NKAIN2: variants seen among roughly 807,000 people sequenced by gnomAD.
NKAIN2 encodes the protein sodium/potassium transporting ATPase interacting 2.
In NKAIN2, 14 loss-of-function variants were observed where a neutral mutation model predicts 32.6. The observed-to-expected ratio is 0.43, with a 90% CI of 0.28 to 0.67. The LOEUF (loss-of-function observed/expected upper bound fraction) is 0.67, where lower values mean the gene tolerates loss of function less well. Ranked by LOEUF, NKAIN2 falls within the 30% of genes least tolerant of loss-of-function variation. The pLI is 0.17. For missense variants in NKAIN2, 198 were observed against 258.3 expected (o/e 0.77, Z 1.60); for synonymous variants, 80 against 87.2 (o/e 0.92, Z 0.46).
chr6:124,268,986 C>T (rs1794626169), intron 1 of NKAIN2, among the ~76,000 whole-genome samples: 1 of 152,004 alleles, frequency 6.6e-6, no homozygotes, highest in Non-Finnish European at 1.5e-5. Context: ...TAGAGTAATG[C>T]TATTAATATT....
At chr6:124,463,118 A>C (rs922575200) in intron 3 of NKAIN2, among the ~76,000 whole-genome samples, 8 of 152,108 alleles carry the variant, frequency 5.3e-5, no homozygotes, top group African/African-American at 1.9e-4. Context: ...AGAAATTTTT[A>C]GATAAAGCTG....
At chr6:124,518,647 A>C (rs1190474480) in intron 3 of NKAIN2, among the ~76,000 whole-genome samples, 1 of 152,090 alleles carries the variant, frequency 6.6e-6, no homozygotes, top group Non-Finnish European at 1.5e-5. Flanking sequence ...AACACTTCCC[A>C]CTAGTCCCCT....
At chr6:123,846,469 A>T (rs1775095691) in intron 1 of NKAIN2, among the ~76,000 whole-genome samples, 1 of 152,104 alleles carries the variant, frequency 6.6e-6, no homozygotes, top group Non-Finnish European at 1.5e-5. Flanking sequence ...TGTTTCTTGA[A>T]ATTGGCTAGT....
At position 124,303,192 on chromosome 6, in the gene NKAIN2, A is replaced by C. The variant is rs144383762; in HGVS notation, c.192+20050A>C. Among the ~76,000 whole-genome samples the C allele has an allele frequency of 2.0e-5, 3 of 152,370 alleles. No homozygotes were observed. In the East Asian group the frequency reaches 5.8e-4, roughly 29 times the overall value. On this transcript the variant is annotated intron_variant, in intron 2 of 6. Transcript: ENST00000368417. ...CAACCATTGGTAGTTTTTAAAATAC[A>C]GAATGATATGATTAATTTTAAATAG...
intron 3 of NKAIN2, among the ~76,000 whole-genome samples, chr6:124,425,604 A>G (rs1375429936): frequency 6.6e-6 from 1 of 152,134 alleles, no homozygotes; most frequent in Admixed American, 6.5e-5. Flanking sequence ...CAGTAGCAAA[A>G]AAATAAATAA....
chr6:124,387,089 C>A (rs1240268776), intron 3 of NKAIN2, among the ~76,000 whole-genome samples: 1 of 152,092 alleles, frequency 6.6e-6, no homozygotes, highest in African/African-American at 2.4e-5. Context: ...GAAATCCATG[C>A]ATAGTGTTTT....
chr6:124,300,719 C>T (rs1260592965), intron 2 of NKAIN2, among the ~76,000 whole-genome samples: 1 of 152,192 alleles, frequency 6.6e-6, no homozygotes, highest in African/African-American at 2.4e-5. Context: ...TTGTTGGGAA[C>T]TGGAGCAAAG....
intron 1 of NKAIN2, among the ~76,000 whole-genome samples, chr6:124,100,290 A>T (rs538156789): frequency 6.6e-6 from 1 of 152,212 alleles, no homozygotes; most frequent in African/African-American, 2.4e-5. Flanking sequence ...AAAGAACTCA[A>T]TGGAGTTTAT....
chr6:124,569,864 G>T (rs1051801496), intron 3 of NKAIN2, among the ~76,000 whole-genome samples: 1 of 152,204 alleles, frequency 6.6e-6, no homozygotes, highest in African/African-American at 2.4e-5. Context: ...ACAGGCAGAG[G>T]TTGGAATAGT....
At chr6:124,802,192 AT>A (rs1452281613) in intron 5 of NKAIN2, among the ~76,000 whole-genome samples, 4 of 152,176 alleles carry the variant, frequency 2.6e-5, no homozygotes, top group African/African-American at 4.8e-5. Context: ...CGCATGTTTT[AT>A]TTTTTTATTT....
chr6:124,104,117 G>T (rs73563193), intron 1 of NKAIN2, among the ~76,000 whole-genome samples: 2,319 of 151,884 alleles, frequency 0.015, 56 homozygotes, highest in African/African-American at 0.053. Flanking sequence ...AAAAACAGAA[G>T]AAAAAATTCT....
intron 1 of NKAIN2, among the ~76,000 whole-genome samples, chr6:123,917,979 T>C (rs1038646279): frequency 1.1e-4 from 17 of 152,164 alleles, no homozygotes; most frequent in African/African-American, 4.1e-4. Flanking sequence ...AATATGAAAT[T>C]ATATAAACTT....
rs1218209059 is a variant in NKAIN2 at position 124,267,704 on chromosome 6, T to C, written c.55-15301T>C. Reference sequence around the variant, plus strand: ...GTCAGTCAGTTGATCCAAAATATTTTTAAAGCAGTGATAGATACATATCTG... The same window carrying C: ...GTCAGTCAGTTGATCCAAAATATTTCTAAAGCAGTGATAGATACATATCTG... On this transcript the variant is annotated intron_variant, in intron 1 of 6. Coordinates refer to ENST00000368417, the MANE Select transcript of NKAIN2 (RefSeq NM_001040214.3). 3.9e-5 allele frequency among the ~76,000 whole-genome samples: 6 copies of C among 152,308 alleles called. No individual in the cohort carries two copies. In the East Asian group the frequency reaches 9.7e-4, roughly 25 times the overall value.
intron 3 of NKAIN2, among the ~76,000 whole-genome samples, chr6:124,599,293 G>A (rs1176360905): frequency 6.6e-6 from 1 of 151,882 alleles, no homozygotes; most frequent in Non-Finnish European, 1.5e-5. Flanking sequence ...AGGTAAAATA[G>A]GTTGATGTAT....
At chr6:124,027,865 A>AT (rs1473993534) in intron 1 of NKAIN2, among the ~76,000 whole-genome samples, 1 of 152,174 alleles carries the variant, frequency 6.6e-6, no homozygotes, top group Non-Finnish European at 1.5e-5. Context: ...AGAGAACTAA[A>AT]TATATTTTAA....
Position 123,893,579 on chromosome 6 carries a change from G to A in NKAIN2, c.54+89325G>A, listed in dbSNP as rs1403948207. ...TTGATCCACTCATTTTAAAGGATTAGGCCATTGAGGCAATTGATGCCTGCA... is the reference window on the plus strand; with the variant it reads ...TTGATCCACTCATTTTAAAGGATTAAGCCATTGAGGCAATTGATGCCTGCA... On this transcript the variant is annotated intron_variant, in intron 1 of 6. Coordinates refer to ENST00000368417, the MANE Select transcript of NKAIN2 (RefSeq NM_001040214.3). Among the ~76,000 whole-genome samples, 6 of 152,292 alleles carry A rather than the reference G, an allele frequency of 3.9e-5. No homozygotes were observed. The East Asian group carries it at 1.2e-3, about 29-fold the overall frequency.
chr6:124,044,669 T>A (rs1562326148), intron 1 of NKAIN2, among the ~76,000 whole-genome samples: 1 of 152,040 alleles, frequency 6.6e-6, no homozygotes, highest in African/African-American at 2.4e-5. Flanking sequence ...GCATTCCCTC[T>A]GTGTTAAACA....
chr6:123,856,035 A>C (rs1052583123), intron 1 of NKAIN2, among the ~76,000 whole-genome samples: 4 of 152,222 alleles, frequency 2.6e-5, no homozygotes, highest in African/African-American at 9.6e-5. Context: ...AAAAACACCA[A>C]ACTGGGAATA....
chr6:124,817,826 CAT>C (rs1781232986), intron 5 of NKAIN2, among the ~76,000 whole-genome samples: 1 of 152,198 alleles, frequency 6.6e-6, no homozygotes, highest in Admixed American at 6.5e-5. Context: ...GACTGTTCCA[CAT>C]GTTTACCTCT....
Sources: allele counts gnomAD v4.1 joint callset (sites outside exome capture counted in the v4.1 genomes callset), GRCh38; gene constraint gnomAD v4.1.1; transcripts MANE v1.5; gene names NCBI Gene and HGNC (gene_info 2026-07-23, HGNC 2026-07-21).